SYNE1: variants seen among roughly 807,000 people sequenced by gnomAD.
The protein encoded by SYNE1 is nesprin-1.
In SYNE1, 616 loss-of-function variants were observed where a neutral mutation model predicts 1,111.0. The ratio of observed to expected loss-of-function variants is 0.55; its 90% CI spans 0.52 to 0.59. The LOEUF is 0.59. Among genes scored for constraint, SYNE1 ranks in the 20% least tolerant of loss-of-function variants. The pLI is 0.00. For missense variants in SYNE1, 10,006 were observed against 10,417.0 expected, an observed-to-expected ratio of 0.96 and a Z score of 1.72; for synonymous variants, 3,855 against 3,825.8, an observed-to-expected ratio of 1.01 and a Z score of -0.28.
intron 11 of SYNE1, among the ~76,000 whole-genome samples, chr6:152,494,266 A>G (rs1258349093): frequency 2.0e-5 from 3 of 152,034 alleles, no homozygotes; most frequent in African/African-American, 7.3e-5. Flanking sequence ...AGCTCCTTCA[A>G]CTGTACTCAC....
chr6:152,316,563 T>C, intron 87 of SYNE1: 1 of 414,532 alleles, frequency 2.4e-6, no homozygotes, highest in South Asian at 2.4e-5. Context: ...CAGATAATTA[T>C]TTCAAAGAAG....
intron 130 of SYNE1, among the ~76,000 whole-genome samples, chr6:152,166,258 G>A (rs774976916): frequency 7.2e-5 from 11 of 152,112 alleles, no homozygotes; most frequent in Non-Finnish European, 1.5e-4. Context: ...TCCCTACCCC[G>A]GCCATGCTAA....
intron 127 of SYNE1, among the ~76,000 whole-genome samples, chr6:152,197,241 CT>C (rs1255729940): frequency 3.3e-5 from 5 of 152,130 alleles, no homozygotes; most frequent in African/African-American, 1.2e-4. Flanking sequence ...GATTGCTCAC[CT>C]GATTTTTTAT....
intron 3 of SYNE1, among the ~76,000 whole-genome samples, chr6:152,605,992 G>A (rs1043255392): frequency 3.3e-5 from 5 of 152,036 alleles, no homozygotes; most frequent in Non-Finnish European, 7.3e-5. Flanking sequence ...TAAATGTCTT[G>A]GACATGAAAC....
intron 127 of SYNE1, among the ~76,000 whole-genome samples, chr6:152,200,463 G>A (rs2075185703): frequency 6.6e-6 from 1 of 151,996 alleles, no homozygotes; most frequent in South Asian, 2.1e-4. Context: ...GGATGCAGTG[G>A]TGTGATCATA....
At position 152,505,465 on chromosome 6, in the gene SYNE1, C is replaced by T. The variant is rs981454784; in HGVS notation, c.582-68G>A. On this transcript the variant is annotated intron_variant, in intron 8 of 145. Transcript: ENST00000367255. ...GATACAAGCACTTTCTTCAAGGCCT[C>T]ATGCAAAATCCAGTGCTTTTCACCA... 1.9e-4 allele frequency: 295 copies of T among 1,528,480 alleles called. 2 individuals are homozygous for T. The highest frequency in any genetic ancestry group is 1.5e-3 in the South Asian group (135 of 88,468). The allele number at this position is 1,528,480 out of a possible 1,614,324, so 94.7% of individuals were successfully genotyped here.
At chr6:152,468,145 C>A (rs778749348) in intron 16 of SYNE1, among the ~76,000 whole-genome samples, 8 of 152,058 alleles carry the variant, frequency 5.3e-5, no homozygotes, top group Non-Finnish European at 7.4e-5. Flanking sequence ...GTGTTAGTGA[C>A]CGCATTTCTA....
chr6:152,434,345 T>C, intron 33 of SYNE1: 1 of 197,446 alleles, frequency 5.1e-6, no homozygotes, highest in Non-Finnish European at 1.0e-5. Flanking sequence ...CAAAGAAATG[T>C]TCTTCTTACA....
Position 152,354,777 on chromosome 6 carries a change from A to T in SYNE1, c.10808T>A (p.Met3603Lys). Residue 3603 changes from methionine (M) to lysine (K), a missense_variant, in exon 67 of 146, where the codon ATG (methionine) becomes AAG (lysine). Met to Lys is a moderately conservative substitution (Grantham distance 95, BLOSUM62 -1). Transcript: ENST00000367255. ...FNNVVNKLRL[M>K]EQKFQQVDEW... Reference sequence around the variant, plus strand: ...ATCTACTTGCTGAAACTTTTGCTCCATTAGCCTCAATTTGTTCACCACGTT... The same window carrying T: ...ATCTACTTGCTGAAACTTTTGCTCCTTTAGCCTCAATTTGTTCACCACGTT... 1 of 1,614,184 alleles carries T rather than the reference A, an allele frequency of 6.2e-7. No individual in the cohort carries two copies. The highest frequency in any genetic ancestry group is 1.1e-5 in the South Asian group (1 of 91,082).
chr6:152,630,378 T>C (rs989965513), intron 2 of SYNE1, among the ~76,000 whole-genome samples: 2 of 152,122 alleles, frequency 1.3e-5, no homozygotes, highest in Admixed American at 6.5e-5. Flanking sequence ...AGTGGGTGAC[T>C]CTCCAAGGGA....
chr6:152,449,656 G>A lies in SYNE1; in HGVS notation c.3396-15C>T, dbSNP rs535421518. The A allele has an allele frequency of 4.5e-6, 7 of 1,571,716 alleles. No individual in the cohort carries two copies. In the East Asian group the frequency reaches 1.3e-4, roughly 30 times the overall value. ...ACTCAGAGAATCTGAAATAACATAA[G>A]CACTTTCTTATTAAAGGGAGAACAT... On this transcript the variant is annotated splice_polypyrimidine_tract_variant and intron_variant, in intron 27 of 145. Transcript: ENST00000367255.
chr6:152,441,076 G>GT, intron 32 of SYNE1, 54 bp downstream of exon 32: 1 of 1,600,398 alleles, frequency 6.2e-7, no homozygotes, highest in Admixed American at 1.7e-5. Flanking sequence ...AAATCATTTT[G>GT]TTTGTTTTGC....
intron 3 of SYNE1, among the ~76,000 whole-genome samples, chr6:152,605,006 AAGAGAGAGAGAG>A (rs1166561188): frequency 1.2e-4 from 3 of 25,588 alleles, no homozygotes; most frequent in African/African-American, 5.7e-4. Flanking sequence ...GAAAGAAAGA[AAGAGAGAGAGAG>A]AGAGAGAGAG....
intron 14 of SYNE1, among the ~76,000 whole-genome samples, chr6:152,482,875 A>G (rs1003514291): frequency 6.6e-6 from 1 of 152,234 alleles, no homozygotes; most frequent in Non-Finnish European, 1.5e-5. Context: ...CAGGTATGGA[A>G]AATATCTCAG....
At chr6:152,610,835 A>G (rs551563552) in intron 3 of SYNE1, among the ~76,000 whole-genome samples, 5 of 152,332 alleles carry the variant, frequency 3.3e-5, no homozygotes, top group Non-Finnish European at 5.9e-5. Context: ...GTGGGGGCCA[A>G]TATTCAACAT....
At chr6:152,339,470 C>G in intron 74 of SYNE1, 104 bp from the exon 75 acceptor site, 2 of 1,500,482 alleles carry the variant, frequency 1.3e-6, no homozygotes, top group Non-Finnish European at 1.8e-6. Context: ...AATAGTCTTG[C>G]TATGCTCAGT....
chr6:152,269,381 A>C lies in SYNE1; in HGVS notation c.18574-95T>G, dbSNP rs1004148483. On this transcript the variant is annotated intron_variant, in intron 98 of 145. Coordinates refer to ENST00000367255, the MANE Select transcript of SYNE1 (RefSeq NM_182961.4). ...CTACTTTGGTGTGATCTATGTAATGATACCAAAGTGGCTCCACTGGGATGT... is the reference window on the plus strand; with the variant it reads ...CTACTTTGGTGTGATCTATGTAATGCTACCAAAGTGGCTCCACTGGGATGT... 3 of 1,594,372 alleles carry C rather than the reference A, an allele frequency of 1.9e-6. No individual in the cohort carries two copies. In the African/African-American group the frequency reaches 4.0e-5, roughly 21 times the overall value.
intron 3 of SYNE1, among the ~76,000 whole-genome samples, chr6:152,600,381 T>A (rs1184578729): frequency 6.6e-6 from 1 of 152,104 alleles, no homozygotes; most frequent in African/African-American, 2.4e-5. Flanking sequence ...AGGGTGATAA[T>A]TTTTTTTAAA....
intron 114 of SYNE1, among the ~76,000 whole-genome samples, chr6:152,231,022 G>A (rs553277551): frequency 1.1e-4 from 16 of 152,128 alleles, no homozygotes; most frequent in Admixed American, 5.9e-4. Flanking sequence ...ATTCAAGGCC[G>A]TCCTGGGCCG....
Sources: allele counts gnomAD v4.1 joint callset (sites outside exome capture counted in the v4.1 genomes callset), GRCh38; gene constraint gnomAD v4.1.1; transcripts MANE v1.5; gene names NCBI Gene and HGNC (gene_info 2026-07-23, HGNC 2026-07-21).